Variants in EML6 observed in about 807,000 individuals in gnomAD.
The protein encoded by EML6 is EMAP like 6, also known as echinoderm microtubule-associated protein-like 6.
In EML6, 154 loss-of-function variants were observed where a neutral mutation model predicts 240.1. The observed-to-expected ratio is 0.64, with a 90% CI of 0.56 to 0.73. The LOEUF (loss-of-function observed/expected upper bound fraction) is 0.73, where lower values mean the gene tolerates loss of function less well. Among genes scored for constraint, EML6 ranks in the 30% least tolerant of loss-of-function variants. The pLI is 0.00. For missense variants in EML6, 2,964 were observed against 2,474.6 expected (o/e 1.20, Z -4.20); for synonymous variants, 1,148 against 899.0 (o/e 1.28, Z -4.95).
At chr2:54,840,244 A>C (rs1168749807) in intron 7 of EML6, among the ~76,000 whole-genome samples, 1 of 152,232 alleles carries the variant, frequency 6.6e-6, no homozygotes, top group Non-Finnish European at 1.5e-5. Flanking sequence ...GTTCATGCTT[A>C]CAGTGAAGCC....
At chr2:54,921,544 C>A (rs13402094) in intron 26 of EML6, among the ~76,000 whole-genome samples, 1 of 152,124 alleles carries the variant, frequency 6.6e-6, no homozygotes, top group East Asian at 1.9e-4. Context: ...TATCAAAATT[C>A]CAAAGGCATT....
intron 12 of EML6, among the ~76,000 whole-genome samples, chr2:54,860,492 G>A (rs867585272): frequency 6.6e-6 from 1 of 152,128 alleles, no homozygotes; most frequent in Non-Finnish European, 1.5e-5. Context: ...ATTTAGAGGG[G>A]CAGACACACA....
chr2:54,864,076 A>C (rs1670833430), intron 13 of EML6, among the ~76,000 whole-genome samples, 187 bp downstream of exon 13: 1 of 152,204 alleles, frequency 6.6e-6, no homozygotes, highest in South Asian at 2.1e-4. Flanking sequence ...ATACCATTAA[A>C]ATTTATTTCA....
intron 7 of EML6, among the ~76,000 whole-genome samples, chr2:54,842,559 G>T (rs189530559): frequency 1.3e-5 from 2 of 152,200 alleles, no homozygotes; most frequent in Non-Finnish European, 2.9e-5. Context: ...GTCCTCGAAC[G>T]TCTGATACTT....
chr2:54,869,517 C>T, intron 15 of EML6, 150 bp downstream of exon 15: 1 of 679,994 alleles, frequency 1.5e-6, no homozygotes, highest in Non-Finnish European at 2.4e-6. Flanking sequence ...CTTCCAAGAT[C>T]ATGGGAGAAT....
chr2:54,793,525 C>T (rs1281521354), intron 2 of EML6, among the ~76,000 whole-genome samples: 2 of 151,538 alleles, frequency 1.3e-5, no homozygotes, highest in South Asian at 2.1e-4. Flanking sequence ...TTACTATGAA[C>T]ACTAAATCCT....
At chr2:54,763,104 CA>C (rs560484437) in intron 2 of EML6, among the ~76,000 whole-genome samples, 1 of 152,150 alleles carries the variant, frequency 6.6e-6, no homozygotes, top group Non-Finnish European at 1.5e-5. Flanking sequence ...GCTCACAAAA[CA>C]TAATACATTT....
intron 26 of EML6, among the ~76,000 whole-genome samples, chr2:54,926,792 C>G (rs1218488234): frequency 6.6e-6 from 1 of 152,196 alleles, no homozygotes; most frequent in Non-Finnish European, 1.5e-5. Context: ...CTTTCTTCCT[C>G]TATGTCCCTT....
At chr2:54,759,535 CT>C (rs1242824320) in intron 2 of EML6, among the ~76,000 whole-genome samples, 1 of 151,900 alleles carries the variant, frequency 6.6e-6, no homozygotes, top group Non-Finnish European at 1.5e-5. Flanking sequence ...ATTTAAGGAG[CT>C]TTTAAAGGTT....
chr2:54,879,501 GTT>G, intron 16 of EML6, 44 bp from the exon 17 acceptor site: 1 of 1,291,252 alleles, frequency 7.7e-7, no homozygotes, highest in Non-Finnish European at 1.1e-6. Flanking sequence ...GAAATGTTTT[GTT>G]TTTTCATGGA....
At chr2:54,909,265 T>C (rs1193738426) in intron 24 of EML6, among the ~76,000 whole-genome samples, 1 of 152,228 alleles carries the variant, frequency 6.6e-6, no homozygotes, top group Non-Finnish European at 1.5e-5. Flanking sequence ...TACAGATGTA[T>C]TTAGTTCATC....
chr2:54,956,609 C>G (rs1027569707), intron 32 of EML6, among the ~76,000 whole-genome samples: 1 of 146,084 alleles, frequency 6.8e-6, no homozygotes, highest in Admixed American at 7.1e-5. Context: ...GAGAGAATTA[C>G]AGCTGGGAGA....
chr2:54,756,955 C>T (rs1667759887), intron 2 of EML6, among the ~76,000 whole-genome samples: 1 of 151,294 alleles, frequency 6.6e-6, no homozygotes, highest in South Asian at 2.1e-4. Flanking sequence ...TCCTATTTTC[C>T]TTATTATTAT....
intron 26 of EML6, among the ~76,000 whole-genome samples, chr2:54,925,552 T>A (rs1416444714): frequency 6.6e-6 from 1 of 152,208 alleles, no homozygotes; most frequent in African/African-American, 2.4e-5. Flanking sequence ...TCTACTTTCC[T>A]ATGAGTGGGC....
intron 13 of EML6, among the ~76,000 whole-genome samples, chr2:54,864,386 A>G (rs535200699): frequency 6.6e-6 from 1 of 152,244 alleles, no homozygotes; most frequent in Non-Finnish European, 1.5e-5. Context: ...TAAAATGTGT[A>G]TTAATCTCTC....
intron 2 of EML6, among the ~76,000 whole-genome samples, chr2:54,803,509 CT>C (rs2103985704): frequency 6.6e-6 from 1 of 152,242 alleles, no homozygotes; most frequent in South Asian, 2.1e-4. Flanking sequence ...GTTGTCACTT[CT>C]ATTTAAGCCT....
intron 30 of EML6, among the ~76,000 whole-genome samples, chr2:54,951,198 T>C (rs564900480): frequency 1.3e-5 from 2 of 152,190 alleles, no homozygotes; most frequent in African/African-American, 4.8e-5. Context: ...TTTGACAGTT[T>C]AGCCACATTT....
chr2:54,956,018 CGT>C (rs35863783), intron 32 of EML6, among the ~76,000 whole-genome samples: 13 of 150,274 alleles, frequency 8.7e-5, no homozygotes, highest in East Asian at 5.8e-4. Context: ...TTTTGGGGAA[CGT>C]GTGTGTGTGT....
chr2:54,843,137 T>G lies in EML6; in HGVS notation c.848-910T>G, dbSNP rs182349108. ...TCTCTGATAGCAAATCTGAAGGAAA[T>G]TATTCTGAAGGTTAGGTTTTCATGA... On this transcript the variant is annotated intron_variant, in intron 7 of 41. Transcript: ENST00000356458. Among the ~76,000 whole-genome samples the G allele has an allele frequency of 1.8e-4, 27 of 152,326 alleles. No homozygotes were observed. In the East Asian group the frequency reaches 4.6e-3, roughly 26 times the overall value.
Sources: gnomAD v4.1 joint callset for allele counts (sites outside exome capture counted in the v4.1 genomes callset) on GRCh38, gnomAD v4.1.1 for gene constraint, MANE v1.5 for transcripts, NCBI Gene and HGNC (gene_info 2026-07-23, HGNC 2026-07-21) for gene names.